Variants in VPS41 observed in about 807,000 individuals in gnomAD.
VPS41 encodes VPS41 subunit of HOPS complex.
Under a neutral mutation model 130.9 loss-of-function variants are expected in VPS41, and 85 were observed. The ratio of observed to expected loss-of-function variants is 0.65; its 90% CI spans 0.55 to 0.78. The LOEUF (loss-of-function observed/expected upper bound fraction) is 0.78. Ranked by LOEUF, VPS41 falls within the 30% of genes least tolerant of loss-of-function variation. VPS41 has a pLI of 0.00. For synonymous variants in VPS41, 335 were observed against 332.9 expected, an observed-to-expected ratio of 1.01 and a Z score of -0.07; for missense variants, 874 against 1,018.7, an observed-to-expected ratio of 0.86 and a Z score of 1.93.
At chr7:38,749,956 G>A (rs1052244224) in intron 22 of VPS41, among the ~76,000 whole-genome samples, 2 of 152,002 alleles carry the variant, frequency 1.3e-5, no homozygotes, top group Non-Finnish European at 2.9e-5. Context: ...TCAAACTCTT[G>A]GGCTCAAGAC....
chr7:38,832,383 A>C (rs2108508), intron 4 of VPS41, among the ~76,000 whole-genome samples: 1 of 146,414 alleles, frequency 6.8e-6, no homozygotes, highest in Non-Finnish European at 1.5e-5. Flanking sequence ...GCAGCGGCAC[A>C]ATCTCAGCTC....
intron 1 of VPS41, among the ~76,000 whole-genome samples, chr7:38,904,338 C>T (rs1400102558): frequency 6.6e-6 from 1 of 152,186 alleles, no homozygotes; most frequent in Non-Finnish European, 1.5e-5. Context: ...CAAAGCAATC[C>T]GCTAGTCCAG....
chr7:38,723,336 C>A lies in VPS41; in HGVS notation c.*2910G>T, dbSNP rs1002843897. 6 of 152,150 alleles carry A rather than the reference C, an allele frequency of 3.9e-5. No individual in the cohort carries two copies. The highest frequency in any genetic ancestry group is 3.9e-4 in the Admixed American group (6 of 15,288). The allele number at this position is 152,150 out of a possible 1,614,324, so 9.4% of individuals were successfully genotyped here. A position where few individuals can be genotyped will look rare whatever the true frequency, so the allele number is the denominator to read the frequency against. On this transcript the variant is annotated 3_prime_UTR_variant, in exon 29 of 29. Transcript: ENST00000310301. Reference sequence around the variant, plus strand: ...CTTCTCAAAAATTCTCAAGGATGAACATAATTAAACCAGTATGAAATCCCT... The same window carrying A: ...CTTCTCAAAAATTCTCAAGGATGAAAATAATTAAACCAGTATGAAATCCCT...
At chr7:38,878,715 A>C (rs1318942373) in intron 2 of VPS41, among the ~76,000 whole-genome samples, 1 of 152,216 alleles carries the variant, frequency 6.6e-6, no homozygotes, top group African/African-American at 2.4e-5. Context: ...CAGCATTTAT[A>C]AAGTTCAACA....
At chr7:38,776,868 C>A (rs1784269888) in intron 10 of VPS41, 92 bp from the exon 11 acceptor site, 3 of 643,442 alleles carry the variant, frequency 4.7e-6, no homozygotes, top group Admixed American at 2.4e-5. Context: ...TGCTAGTGGA[C>A]CCCTTTTTAA....
intron 2 of VPS41, among the ~76,000 whole-genome samples, chr7:38,880,865 C>T (rs1163688443): frequency 6.6e-6 from 1 of 152,198 alleles, no homozygotes; most frequent in Non-Finnish European, 1.5e-5. Flanking sequence ...CATTTAAACA[C>T]ACTCTTGAAC....
intron 22 of VPS41, among the ~76,000 whole-genome samples, chr7:38,751,685 G>A (rs1253686325): frequency 6.6e-6 from 1 of 152,192 alleles, no homozygotes; most frequent in East Asian, 1.9e-4. Context: ...ATAGTGGAAT[G>A]TAGGATGTAG....
chr7:38,872,085 T>C (rs1316188187), intron 2 of VPS41, among the ~76,000 whole-genome samples: 5 of 152,234 alleles, frequency 3.3e-5, no homozygotes, highest in Non-Finnish European at 7.3e-5. Context: ...GCAGACAAGA[T>C]GTCAGCTAGG....
chr7:38,888,005 G>C (rs1388807388), intron 2 of VPS41, among the ~76,000 whole-genome samples: 1 of 152,186 alleles, frequency 6.6e-6, no homozygotes. Flanking sequence ...CATCAGGCCT[G>C]CATTACAAGA....
intron 25 of VPS41, among the ~76,000 whole-genome samples, chr7:38,735,667 A>T (rs898255320): frequency 2.6e-5 from 4 of 152,208 alleles, no homozygotes; most frequent in African/African-American, 9.7e-5. Context: ...GGTCTATGAG[A>T]CCAAATGGAG....
At chr7:38,835,613 TAA>T (rs1246218112) in intron 4 of VPS41, among the ~76,000 whole-genome samples, 3 of 151,942 alleles carry the variant, frequency 2.0e-5, no homozygotes, top group Non-Finnish European at 4.4e-5. Context: ...TTTGTAAACC[TAA>T]GACATAATTT....
chr7:38,758,537 G>T lies in VPS41; in HGVS notation c.1423-56C>A, dbSNP rs1258438823. 1.5e-5 allele frequency: 23 copies of T among 1,543,148 alleles called. No homozygotes were observed. The South Asian group carries it at 2.8e-4, about 19-fold the overall frequency. ...ACTCATTCAACAGAATAATAGTTGT[G>T]ATATTGTGAAATATACATTTGGTCC... On this transcript the variant is annotated intron_variant, in intron 17 of 28. Coordinates refer to ENST00000310301, the MANE Select transcript of VPS41 (RefSeq NM_014396.4).
intron 7 of VPS41, among the ~76,000 whole-genome samples, chr7:38,806,564 T>A (rs1784843058): frequency 6.6e-6 from 1 of 152,150 alleles, no homozygotes; most frequent in Non-Finnish European, 1.5e-5. Context: ...TTTTTATTAT[T>A]ATAAAAATAA....
intron 9 of VPS41, among the ~76,000 whole-genome samples, chr7:38,791,058 G>T (rs17171465): frequency 0.13 from 19,591 of 152,156 alleles, 2,170 homozygotes; most frequent in African/African-American, 0.3. Context: ...CTTTCCCTCA[G>T]GCGGGGCTTG....
At chr7:38,788,682 T>A (rs1291990504) in intron 10 of VPS41, among the ~76,000 whole-genome samples, 1 of 152,210 alleles carries the variant, frequency 6.6e-6, no homozygotes, top group Non-Finnish European at 1.5e-5. Flanking sequence ...ATAAATCTTG[T>A]CTCTTATCTT....
intron 2 of VPS41, among the ~76,000 whole-genome samples, chr7:38,874,734 T>C (rs1786451339): frequency 6.6e-6 from 1 of 152,072 alleles, no homozygotes; most frequent in Non-Finnish European, 1.5e-5. Flanking sequence ...AACCAACTAT[T>C]AATAAAAAGA....
chr7:38,883,641 T>C (rs906660039), intron 2 of VPS41, among the ~76,000 whole-genome samples: 1 of 132,568 alleles, frequency 7.5e-6, no homozygotes, highest in Non-Finnish European at 1.6e-5. Context: ...AAGTCATCAA[T>C]AAATATTTTT....
intron 4 of VPS41, among the ~76,000 whole-genome samples, chr7:38,843,740 C>T (rs1785664042): frequency 6.6e-6 from 1 of 150,872 alleles, no homozygotes; most frequent in African/African-American, 2.4e-5. Context: ...TCTTTCAAGA[C>T]AATCCAGATC....
In VPS41 at chr7:38,904,750, T is replaced by C. The variant is rs367776050; in HGVS notation, c.21+4404A>G. ...TAACATAATCACATGGGGATATACATGACAAATATGACATCTAATAATCCA... is the reference window on the plus strand; with the variant it reads ...TAACATAATCACATGGGGATATACACGACAAATATGACATCTAATAATCCA... On this transcript the variant is annotated intron_variant, in intron 1 of 28. Coordinates refer to ENST00000310301, the MANE Select transcript of VPS41 (RefSeq NM_014396.4). Among the ~76,000 whole-genome samples, 5 of 152,284 alleles carry C rather than the reference T, an allele frequency of 3.3e-5. No individual in the cohort carries two copies. In the South Asian group the frequency reaches 1.0e-3, roughly 32 times the overall value.
Sources: gnomAD v4.1 joint callset for allele counts (sites outside exome capture counted in the v4.1 genomes callset) on GRCh38, gnomAD v4.1.1 for gene constraint, MANE v1.5 for transcripts, NCBI Gene and HGNC (gene_info 2026-07-23, HGNC 2026-07-21) for gene names.